THUMPD2: variants seen among roughly 807,000 people sequenced by gnomAD.
The protein encoded by THUMPD2 is U6 snRNA (guanine-N(2))-methyltransferase THUMPD2.
THUMPD2 carries 56 observed loss-of-function variants against 49.4 expected under a neutral mutation model. The observed-to-expected ratio is 1.13, with a 90% CI of 0.91 to 1.41. THUMPD2 has a LOEUF of 1.41. THUMPD2 is among the 40% of genes most tolerant of loss of function. THUMPD2 has a pLI of 0.00. For synonymous variants in THUMPD2, 237 were observed against 205.2 expected, an observed-to-expected ratio of 1.15 and a Z score of -1.32; for missense variants, 709 against 594.5, an observed-to-expected ratio of 1.19 and a Z score of -2.00.
At position 39,761,422 on chromosome 2, in the gene THUMPD2, C is replaced by T. The variant is rs780877969; in HGVS notation, c.804-4G>A. On this transcript the variant is annotated splice_polypyrimidine_tract_variant and splice_region_variant and intron_variant, in intron 5 of 9. Transcript: ENST00000505747. ...AGCTCTGCTGGCTAGGGAAACCCTA[C>T]AAAGGATAGAATCTGATTATATATT... 5 of 1,612,954 alleles carry T rather than the reference C, an allele frequency of 3.1e-6. No individual in the cohort carries two copies.
intron 8 of THUMPD2, among the ~76,000 whole-genome samples, chr2:39,746,758 CT>C (rs778411953): frequency 4.1e-4 from 62 of 152,228 alleles, no homozygotes; most frequent in Admixed American, 2.0e-3. Context: ...CCCCAAGATA[CT>C]TTCTTCCAAA....
At position 39,770,119 on chromosome 2, in the gene THUMPD2, C is replaced by G; in HGVS notation, c.263G>C (p.Gly88Ala). 6.8e-7 allele frequency: 1 copy of G among 1,466,778 alleles called. No homozygotes were observed. The highest frequency in any genetic ancestry group is 9.0e-7 in the Non-Finnish European group (1 of 1,116,594). 90.9% of individuals were successfully genotyped at this position (1,466,778 alleles called of 1,614,324 possible). ...FPLIISSVSKGKIFNEMQRLI... is the reference protein window; with the variant it reads ...FPLIISSVSKAKIFNEMQRLI... ...TCTTTGCATTTCATTAAATATTTTT[C>G]CTAAATAAGAAAAATCTTGTTGATC... The change falls in exon 3 of 10, where the codon GGA becomes GCA. Residue 88 changes from glycine to alanine, a missense_variant and splice_region_variant. Transcript: ENST00000505747.
At chr2:39,740,686 A>G (rs1673777983) in intron 9 of THUMPD2, among the ~76,000 whole-genome samples, 2 of 151,524 alleles carry the variant, frequency 1.3e-5, no homozygotes, top group Non-Finnish European at 2.9e-5. Flanking sequence ...ACCTCAAGCT[A>G]CTGGTGTCAC....
intron 9 of THUMPD2, among the ~76,000 whole-genome samples, chr2:39,737,906 G>A (rs77534850): frequency 6.6e-6 from 1 of 152,294 alleles, no homozygotes; most frequent in African/African-American, 2.4e-5. Flanking sequence ...AGTCACAGCG[G>A]GTGGGAAGTG....
At chr2:39,767,448 C>CA (rs1432673174) in intron 4 of THUMPD2, among the ~76,000 whole-genome samples, 19 of 150,156 alleles carry the variant, frequency 1.3e-4, no homozygotes, top group African/African-American at 4.4e-4. Context: ...ACTAAAAATA[C>CA]AAAAAATTAG....
rs994580891 is a variant in THUMPD2, at chr2:39,769,960, T to C, written c.422A>G (p.Glu141Gly). Residue 141 changes from glutamate to glycine, a missense_variant, in exon 3 of 10, where the codon GAA (glutamate) becomes GGA (glycine). Transcript: ENST00000505747. ...TATTTTTAATTTCTTTGCAATGATT[T>C]CATTTTCTCCCACTTTTCTTTTTAG... ...NQLKRKVGEN[E>G]IIAKKLKIEQ... 1 of 1,580,392 alleles carries C rather than the reference T, an allele frequency of 6.3e-7. No homozygotes were observed. The highest frequency in any genetic ancestry group is 8.5e-7 in the Non-Finnish European group (1 of 1,170,962).
At chr2:39,738,398 C>T (rs537181844) in intron 9 of THUMPD2, among the ~76,000 whole-genome samples, 1 of 151,594 alleles carries the variant, frequency 6.6e-6, no homozygotes, top group East Asian at 1.9e-4. Flanking sequence ...CATGTCTCTA[C>T]CAAAAAAATA....
At chr2:39,752,267 T>C (rs1340598831) in intron 8 of THUMPD2, among the ~76,000 whole-genome samples, 1 of 152,078 alleles carries the variant, frequency 6.6e-6, no homozygotes, top group African/African-American at 2.4e-5. Flanking sequence ...ATTATTATAA[T>C]CTTCATATTA....
intron 9 of THUMPD2, among the ~76,000 whole-genome samples, chr2:39,738,783 C>T (rs1007469809): frequency 6.6e-5 from 10 of 151,626 alleles, no homozygotes; most frequent in African/African-American, 2.2e-4. Flanking sequence ...GGACAGCAAT[C>T]CTAGCTGAAG....
chr2:39,749,988 C>T (rs1277486144), intron 8 of THUMPD2, among the ~76,000 whole-genome samples: 3 of 152,160 alleles, frequency 2.0e-5, no homozygotes, highest in Non-Finnish European at 4.4e-5. Flanking sequence ...TTTTCTTTAT[C>T]CAGTCTGTCA....
At chr2:39,754,699 T>G (rs1161996983) in intron 8 of THUMPD2, among the ~76,000 whole-genome samples, 1 of 152,222 alleles carries the variant, frequency 6.6e-6, no homozygotes, top group Non-Finnish European at 1.5e-5. Context: ...CTCAATAGAC[T>G]TGATTCCTAG....
intron 1 of THUMPD2, among the ~76,000 whole-genome samples, chr2:39,771,856 C>T (rs923264870): frequency 7.9e-5 from 12 of 152,072 alleles, no homozygotes; most frequent in African/African-American, 2.7e-4. Context: ...CAAAAGTAGA[C>T]AAAAGAAAGG....
rs1678102866 is a variant in THUMPD2 at position 39,770,021 on chromosome 2, T to C, written c.361A>G (p.Lys121Glu). 1.3e-6 allele frequency: 2 copies of C among 1,578,036 alleles called. No homozygotes were observed. The highest frequency in any genetic ancestry group is 2.8e-5 in the African/African-American group (2 of 72,446). ...TCTCTCTGAGAAAGTTTTTCCTTTT[T>C]TGCATCAAGTTCAAGAAGATTTTTC... ...IWKNLLELDA[K>E]KEKLSQRDDN... Residue 121 changes from lysine (K) to glutamate (E), a missense_variant, in exon 3 of 10, where the codon AAA becomes GAA. Physicochemically the swap from Lys to Glu is moderately conservative, Grantham distance 56. Transcript: ENST00000505747.
chr2:39,770,006 A>G lies in THUMPD2; in HGVS notation c.376T>C (p.Ser126Pro). ...LELDAKKEKL[S>P]QRDDNQLKRK... ...TTTAGTTGGTTATCATCTCTCTGAG[A>G]AAGTTTTTCCTTTTTTGCATCAAGT... The change falls in exon 3 of 10, where the codon TCT (serine) becomes CCT (proline). Residue 126 changes from serine (S) to proline (P), a missense_variant. Transcript: ENST00000505747. 1 of 1,576,790 alleles carries G rather than the reference A, an allele frequency of 6.3e-7. No individual in the cohort carries two copies. The highest frequency in any genetic ancestry group is 8.5e-7 in the Non-Finnish European group (1 of 1,169,972).
At chr2:39,743,598 TCTCA>T (rs1674191869) in intron 9 of THUMPD2, among the ~76,000 whole-genome samples, 1 of 152,130 alleles carries the variant, frequency 6.6e-6, no homozygotes, top group African/African-American at 2.4e-5. Context: ...ATAATTGAGT[TCTCA>T]CTCTATTAGT....
chr2:39,749,800 C>A (rs1191016817), intron 8 of THUMPD2, among the ~76,000 whole-genome samples: 1 of 151,980 alleles, frequency 6.6e-6, no homozygotes, highest in East Asian at 1.9e-4. Context: ...TGTCCCCCAA[C>A]CACGTGTTCT....
intron 1 of THUMPD2, among the ~76,000 whole-genome samples, chr2:39,774,977 A>G (rs893964493): frequency 6.6e-6 from 1 of 152,188 alleles, no homozygotes; most frequent in African/African-American, 2.4e-5. Flanking sequence ...ATTTAACACA[A>G]AGATTAAAAG....
chr2:39,762,771 T>A lies in THUMPD2; in HGVS notation c.804-1353A>T, dbSNP rs557949945. On this transcript the variant is annotated intron_variant, in intron 5 of 9. Coordinates refer to ENST00000505747, the MANE Select transcript of THUMPD2 (RefSeq NM_025264.5). ...TAGATGCCAAAACTATAAAACAGAG[T>A]TTGCATTCTAGATACCAAAAAGGGA... Among the ~76,000 whole-genome samples the A allele has an allele frequency of 5.4e-5, 8 of 147,746 alleles. No homozygotes were observed. The East Asian group carries it at 1.2e-3, about 22-fold the overall frequency.
chr2:39,740,814 C>G (rs1374906779), intron 9 of THUMPD2, among the ~76,000 whole-genome samples: 2 of 152,186 alleles, frequency 1.3e-5, no homozygotes, highest in African/African-American at 2.4e-5. Flanking sequence ...TCAAGCGATC[C>G]TCCTACTTTA....
Sources: allele counts gnomAD v4.1 joint callset (sites outside exome capture counted in the v4.1 genomes callset), GRCh38; gene constraint gnomAD v4.1.1; transcripts MANE v1.5; gene names NCBI Gene and HGNC (gene_info 2026-07-23, HGNC 2026-07-21).